ASPHD2: variants seen among roughly 807,000 people sequenced by gnomAD.
ASPHD2 encodes the protein aspartate beta-hydroxylase domain-containing protein 2.
A neutral mutation model predicts 34.6 loss-of-function variants in ASPHD2; 12 were observed. That is an observed-to-expected ratio of 0.35 (90% CI 0.22 to 0.56). The LOEUF (loss-of-function observed/expected upper bound fraction) is 0.56, where lower values mean the gene tolerates loss of function less well. Among genes scored for constraint, ASPHD2 ranks in the 20% least tolerant of loss-of-function variants. The pLI, the probability that ASPHD2 is intolerant of heterozygous loss-of-function variation, is 0.87. For synonymous variants in ASPHD2, 224 were observed against 212.2 expected (o/e 1.06, Z -0.48); for missense variants, 375 against 505.0 (o/e 0.74, Z 2.47).
intron 1 of ASPHD2, among the ~76,000 whole-genome samples, chr22:26,432,190 C>G (rs997927098): frequency 6.6e-6 from 1 of 152,156 alleles, no homozygotes; most frequent in African/African-American, 2.4e-5. Flanking sequence ...AGTGAAACTC[C>G]GTCTCAAAAG....
chr22:26,431,452 A>G (rs1174626697), intron 1 of ASPHD2, among the ~76,000 whole-genome samples: 1 of 151,916 alleles, frequency 6.6e-6, no homozygotes, highest in African/African-American at 2.4e-5. Context: ...ACAAAAAACA[A>G]CTTAGCTTCT....
Position 26,433,774 on chromosome 22 carries a change from G to C in ASPHD2, c.159G>C (p.Val53=). ...GCATCGCCACCGGCATCCAGTCCGTGCGGGACTGCGACACCACCGCTGTCA... is the reference window on the plus strand; with the variant it reads ...GCATCGCCACCGGCATCCAGTCCGTCCGGGACTGCGACACCACCGCTGTCA... ...RDCIATGIQS[V]RDCDTTAVIT... is the part of the protein sequence containing the mutation. The change falls in exon 2 of 4, where the codon GTG becomes GTC. Residue 53 remains valine (V), a synonymous_variant. Coordinates refer to ENST00000215906, the MANE Select transcript of ASPHD2 (RefSeq NM_020437.5). The surrounding 1 kb of genome is among the most constrained non-coding windows in gnomAD (Gnocchi z 5.1). 6.2e-7 allele frequency: 1 copy of C among 1,613,858 alleles called. No homozygotes were observed. The highest frequency in any genetic ancestry group is 8.5e-7 in the Non-Finnish European group (1 of 1,180,032).
intron 2 of ASPHD2, among the ~76,000 whole-genome samples, chr22:26,441,828 C>T (rs2084844163): frequency 6.6e-6 from 1 of 152,104 alleles, no homozygotes; most frequent in Admixed American, 6.5e-5. Context: ...GAGGCTGAGG[C>T]AGGAGAATCG....
rs1051963414 is a variant in ASPHD2 at position 26,444,324 on chromosome 22, A to G, written c.*1118A>G. 5 of 152,114 alleles carry G rather than the reference A, an allele frequency of 3.3e-5. No homozygotes were observed. The highest frequency in any genetic ancestry group is 5.9e-5 in the Non-Finnish European group (4 of 68,028). The allele number at this position is 152,114 out of a possible 1,614,324, so 9.4% of individuals were successfully genotyped here. A position where few individuals can be genotyped will look rare whatever the true frequency, so the allele number is the denominator to read the frequency against. On this transcript the variant is annotated 3_prime_UTR_variant, in exon 4 of 4. Coordinates refer to ENST00000215906, the MANE Select transcript of ASPHD2 (RefSeq NM_020437.5). ...GGCCCTGTGTCTTTGTCATGGCACAAAGGTGTGCACTGCGTGACAATGACC... is the reference window on the plus strand; with the variant it reads ...GGCCCTGTGTCTTTGTCATGGCACAGAGGTGTGCACTGCGTGACAATGACC...
intron 1 of ASPHD2, among the ~76,000 whole-genome samples, chr22:26,432,949 G>T (rs576818121): frequency 5.9e-5 from 9 of 152,290 alleles, no homozygotes; most frequent in Admixed American, 4.6e-4. Context: ...TTGAATCCAG[G>T]ATTCTTTTGA....
chr22:26,430,368 T>C (rs2084749373), intron 1 of ASPHD2, among the ~76,000 whole-genome samples: 1 of 152,236 alleles, frequency 6.6e-6, no homozygotes, highest in Non-Finnish European at 1.5e-5. Flanking sequence ...GCTCTCCAAC[T>C]GGCCATGGAT....
Position 26,434,241 on chromosome 22 carries a change from T to C in ASPHD2, c.626T>C (p.Phe209Ser). 6.2e-7 allele frequency: 1 copy of C among 1,614,160 alleles called. No individual in the cohort carries two copies. The highest frequency in any genetic ancestry group is 2.2e-5 in the East Asian group (1 of 44,876). Reference protein sequence around the residue: ...LCEFETLYKAFSNCSLPQGWK... With the variant: ...LCEFETLYKASSNCSLPQGWK... The stretch of plus-strand genomic sequence containing the variant: ...GAGTTTGAGACCCTCTACAAAGCTT[T>C]CTCAAACTGCAGCCTCCCGCAAGGA... The change falls in exon 2 of 4, where the codon TTC becomes TCC. Residue 209 changes from phenylalanine to serine, a missense_variant. Coordinates refer to ENST00000215906, the MANE Select transcript of ASPHD2 (RefSeq NM_020437.5).
chr22:26,443,005 A>C, intron 3 of ASPHD2, 92 bp from the exon 4 acceptor site: 1 of 897,382 alleles, frequency 1.1e-6, no homozygotes, highest in Non-Finnish European at 1.9e-6. Context: ...CCTGCCCCGA[A>C]GCTGAGCACG....
intron 2 of ASPHD2, among the ~76,000 whole-genome samples, chr22:26,436,171 C>T (rs1601701895): frequency 6.6e-6 from 1 of 152,208 alleles, no homozygotes; most frequent in Non-Finnish European, 1.5e-5. Context: ...GTCCTGGCCT[C>T]GCCCCATTTG....
At chr22:26,436,829 A>G (rs540538239) in intron 2 of ASPHD2, among the ~76,000 whole-genome samples, 73 of 144,808 alleles carry the variant, frequency 5.0e-4, no homozygotes, top group Non-Finnish European at 7.5e-4. Flanking sequence ...GTTCATCTGT[A>G]TGATATGCAT....
chr22:26,435,602 G>A (rs936628693), intron 2 of ASPHD2, among the ~76,000 whole-genome samples: 6 of 152,176 alleles, frequency 3.9e-5, no homozygotes, highest in East Asian at 1.9e-4. Flanking sequence ...GGAAGGAGCC[G>A]GAGCTGGGGG....
Position 26,434,183 on chromosome 22 carries a change from G to C in ASPHD2, c.568G>C (p.Val190Leu). ...GGACGCACAGAAACATGATGTGGAA[G>C]TGCTGGAACGGAACTTCCAGACCAT... is the stretch of plus-strand genomic sequence containing the variant. Reference protein sequence around the residue: ...SRDAQKHDVEVLERNFQTILC... With the variant: ...SRDAQKHDVELLERNFQTILC... The change falls in exon 2 of 4, where the codon GTG becomes CTG. Residue 190 changes from valine (V) to leucine (L), a missense_variant. Around this residue, in one of 3 missense-constraint regions of ASPHD2, gnomAD observed 10 missense variants for 29.3 expected, o/e 0.34. Coordinates refer to ENST00000215906, the MANE Select transcript of ASPHD2 (RefSeq NM_020437.5). 1 of 1,613,508 alleles carries C rather than the reference G, an allele frequency of 6.2e-7. No individual in the cohort carries two copies. Among genetic ancestry groups the C allele is most frequent in the Non-Finnish European group, 8.5e-7 (1 of 1,179,764 alleles).
chr22:26,437,236 A>C (rs774189819), intron 2 of ASPHD2, among the ~76,000 whole-genome samples: 6 of 152,192 alleles, frequency 3.9e-5, no homozygotes, highest in Non-Finnish European at 7.3e-5. Flanking sequence ...TACCTGGCTG[A>C]AGGTAGAGGC....
intron 1 of ASPHD2, among the ~76,000 whole-genome samples, chr22:26,432,100 T>G (rs2084760191): frequency 6.6e-6 from 1 of 152,196 alleles, no homozygotes. Flanking sequence ...GAGGCTGAGA[T>G]AGGAGAATCA....
intron 2 of ASPHD2, among the ~76,000 whole-genome samples, chr22:26,439,398 CA>C (rs201318238): frequency 2.0e-5 from 3 of 151,418 alleles, no homozygotes; most frequent in Admixed American, 6.6e-5. Context: ...GATTCTGTCT[CA>C]AAAAAAATAA....
At position 26,434,123 on chromosome 22, in the gene ASPHD2, C is replaced by T. The variant is rs759281410; in HGVS notation, c.508C>T (p.Leu170=). The stretch of plus-strand genomic sequence containing the variant: ...CATCCAGAAGCCCGAGGTCTTCTTC[C>T]TGCCCGACCTGCCCACCACGCCCTA... The part of the protein sequence containing the change: ...PSIQKPEVFF[L]PDLPTTPYFS... Residue 170 remains leucine, a synonymous_variant, in exon 2 of 4, where the codon CTG becomes TTG. Coordinates refer to ENST00000215906, the MANE Select transcript of ASPHD2 (RefSeq NM_020437.5). 1.2e-6 allele frequency: 2 copies of T among 1,611,476 alleles called. No homozygotes were observed. Among genetic ancestry groups the T allele is most frequent in the Admixed American group, 1.7e-5 (1 of 59,066 alleles).
rs951896894 is a variant in ASPHD2 at position 26,436,990 on chromosome 22, G to C, written c.886+2489G>C. Among the ~76,000 whole-genome samples, 7 of 152,254 alleles carry C rather than the reference G, an allele frequency of 4.6e-5. No homozygotes were observed. The East Asian group carries it at 1.3e-3, about 29-fold the overall frequency. On this transcript the variant is annotated intron_variant, in intron 2 of 3. Coordinates refer to ENST00000215906, the MANE Select transcript of ASPHD2 (RefSeq NM_020437.5). ...CCTGTAGATAGCAGGAAACCTTCTTGGAAGACGTCCCACTGTGGCGTGGCT... is the reference window on the plus strand; with the variant it reads ...CCTGTAGATAGCAGGAAACCTTCTTCGAAGACGTCCCACTGTGGCGTGGCT...
At position 26,442,524 on chromosome 22, in the gene ASPHD2, C is replaced by T. The variant is rs149037223; in HGVS notation, c.952C>T (p.Arg318Cys). Residue 318 changes from arginine to cysteine, a missense_variant, in exon 3 of 4, where the codon CGC (arginine) becomes TGC (cysteine). Physicochemically the swap from Arg to Cys is radical, Grantham distance 180. This residue lies in a region of ASPHD2 where 142 missense variants were observed against 217.9 expected (regional missense o/e 0.65). Coordinates refer to ENST00000215906, the MANE Select transcript of ASPHD2 (RefSeq NM_020437.5). ...GGEPQCWAEG[R>C]CLLFDDSFLH... The stretch of plus-strand genomic sequence containing the variant: ...AGAGCCCCAGTGCTGGGCAGAAGGG[C>T]GCTGCCTTCTCTTTGATGACTCTTT... 10 of 1,611,526 alleles carry T rather than the reference C, an allele frequency of 6.2e-6. No homozygotes were observed. The highest frequency in any genetic ancestry group is 1.6e-4 in the Middle Eastern group (1 of 6,076).
intron 2 of ASPHD2, 88 bp from the exon 3 acceptor site, chr22:26,442,371 A>C: frequency 1.0e-6 from 1 of 993,340 alleles, no homozygotes; most frequent in Non-Finnish European, 1.5e-6. Context: ...GAAGTCAAAA[A>C]CTCTCAGTAA....
Sources: allele counts gnomAD v4.1 joint callset (sites outside exome capture counted in the v4.1 genomes callset), GRCh38; gene constraint gnomAD v4.1.1; regional missense constraint gnomAD v4.1.1; non-coding constraint Gnocchi (gnomAD v3.1); transcripts MANE v1.5; gene names NCBI Gene and HGNC (gene_info 2026-07-23, HGNC 2026-07-21).